HYLS1: variants seen among roughly 807,000 people sequenced by gnomAD.
HYLS1 encodes HYLS1 centriolar and ciliogenesis associated.
Under a neutral mutation model 29.4 loss-of-function variants are expected in HYLS1, and 25 were observed. The ratio of observed to expected loss-of-function variants is 0.85; its 90% confidence interval spans 0.62 to 1.19. The LOEUF is 1.19. HYLS1 is among the 50% of genes most tolerant of loss of function. The pLI, the probability that HYLS1 is intolerant of heterozygous loss-of-function variation, is 0.00. For synonymous variants in HYLS1, 128 were observed against 126.7 expected (o/e 1.01, Z -0.07); for missense variants, 352 against 365.1 (o/e 0.96, Z 0.29).
chr11:125,890,589 A>T (rs1263782957), intron 1 of HYLS1, among the ~76,000 whole-genome samples: 2 of 152,184 alleles, frequency 1.3e-5, no homozygotes, highest in Non-Finnish European at 2.9e-5. Context: ...CTACCCTTGA[A>T]ATCCTTTTGA....
intron 2 of HYLS1, 25 bp from the exon 3 acceptor site, chr11:125,899,301 GGGAATTTATTATCAGAAA>G: frequency 4.9e-6 from 7 of 1,422,270 alleles, no homozygotes; most frequent in Non-Finnish European, 6.9e-6. Context: ...TTTATGAGCT[GGGAATTTATTATCAGAAA>G]ACTGACCAAT....
At position 125,899,340 on chromosome 11, in the gene HYLS1, G is replaced by A; in HGVS notation, c.-25-4G>A. The A allele has an allele frequency of 6.2e-7, 1 of 1,603,858 alleles. No homozygotes were observed. The highest frequency in any genetic ancestry group is 8.5e-7 in the Non-Finnish European group (1 of 1,172,380). On this transcript the variant is annotated splice_region_variant and splice_polypyrimidine_tract_variant and intron_variant, in intron 2 of 2. Transcript: ENST00000425380. ...AGAAAACTGACCAATGTTATCTCTT[G>A]CAGAAGGTCCTACAGTGTAGGGGAA...
In HYLS1 at chr11:125,899,867, C is replaced by T; in HGVS notation, c.499C>T (p.Gln167Ter). 1 of 1,614,194 alleles carries T rather than the reference C, an allele frequency of 6.2e-7. No homozygotes were observed. The highest frequency in any genetic ancestry group is 8.5e-7 in the Non-Finnish European group (1 of 1,180,026). ...PHEYQGISQD[Q>*]LICSLQREGM... ...TGAATACCAAGGAATTTCTCAAGATCAGCTCATTTGCTCTCTACAAAGAGA... is the reference window on the plus strand; with the variant it reads ...TGAATACCAAGGAATTTCTCAAGATTAGCTCATTTGCTCTCTACAAAGAGA... The change falls in exon 3 of 3, where the codon CAG becomes TAG. Residue 167 changes from glutamine (Q) to a stop codon, truncating the protein, a stop_gained. Transcript: ENST00000425380. LOFTEE classifies it high-confidence loss of function.
chr11:125,885,402 G>T (rs1279224936), upstream of HYLS1, among the ~76,000 whole-genome samples: 1 of 152,070 alleles, frequency 6.6e-6, no homozygotes, highest in Non-Finnish European at 1.5e-5. Context: ...AGTGAGCCAA[G>T]ATCGTGCCAC....
intron 2 of HYLS1, chr11:125,898,959 A>G (rs1944674267): frequency 1.3e-5 from 2 of 159,684 alleles, no homozygotes; most frequent in South Asian, 3.7e-4. Context: ...AATTACATGA[A>G]TTAATAAATG....
chr11:125,886,572 A>ATT (rs68098484), upstream of HYLS1, among the ~76,000 whole-genome samples: 885 of 117,322 alleles, frequency 7.5e-3, 6 homozygotes, highest in Middle Eastern at 0.017. Flanking sequence ...CAAGCACTAG[A>ATT]TTTTTTTTTT....
chr11:125,885,357 A>T (rs927103990), upstream of HYLS1, among the ~76,000 whole-genome samples: 2 of 152,164 alleles, frequency 1.3e-5, no homozygotes, highest in Non-Finnish European at 2.9e-5. Context: ...AGACTGAGGC[A>T]TGAAAATCAT....
At chr11:125,894,309 GT>G in intron 2 of HYLS1, 1 of 1,560,682 alleles carries the variant, frequency 6.4e-7, no homozygotes, top group Non-Finnish European at 8.7e-7. Flanking sequence ...AGAAAAGAAA[GT>G]TTGAGAATAC....
Position 125,899,761 on chromosome 11 carries a change from A to C in HYLS1, c.393A>C (p.Leu131Phe). 1.2e-6 allele frequency: 2 copies of C among 1,614,222 alleles called. No homozygotes were observed. Among genetic ancestry groups the C allele is most frequent in the South Asian group, 2.2e-5 (2 of 91,088 alleles). ...GTENDQDLWD[L>F]RQRLMNVQFQ... ...AAAATGATCAGGATCTCTGGGACTTAAGACAAAGGCTGATGAATGTACAGT... is the reference window on the plus strand; with the variant it reads ...AAAATGATCAGGATCTCTGGGACTTCAGACAAAGGCTGATGAATGTACAGT... The change falls in exon 3 of 3, where the codon TTA becomes TTC. Residue 131 changes from leucine (L) to phenylalanine (F), a missense_variant. By Grantham distance (22) the Leu-to-Phe change is conservative. Coordinates refer to ENST00000425380, the MANE Select transcript of HYLS1 (RefSeq NM_001134793.2).
upstream of HYLS1, among the ~76,000 whole-genome samples, chr11:125,886,644 A>G (rs1462657885): frequency 6.7e-6 from 1 of 148,908 alleles, no homozygotes; most frequent in Non-Finnish European, 1.5e-5. Context: ...GGGTTTAAAA[A>G]AAAAATTAGT....
chr11:125,889,780 A>G (rs530947441), intron 1 of HYLS1, among the ~76,000 whole-genome samples: 1 of 152,240 alleles, frequency 6.6e-6, no homozygotes, highest in South Asian at 2.1e-4. Context: ...GCCCTCTGGA[A>G]AAACGGATTA....
At chr11:125,895,583 G>T (rs1441624041) in intron 2 of HYLS1, 1 of 1,614,210 alleles carries the variant, frequency 6.2e-7, no homozygotes, top group Non-Finnish European at 8.5e-7. Flanking sequence ...AAAAATAGCG[G>T]TAAGTCCGCT....
intron 2 of HYLS1, chr11:125,896,317 C>G (rs200845129): frequency 1.3e-6 from 2 of 1,542,914 alleles, no homozygotes; most frequent in Non-Finnish European, 1.8e-6. Flanking sequence ...ACGAACCATA[C>G]AGGTCTGCCC....
chr11:125,900,408 G>C lies in HYLS1; in HGVS notation c.*140G>C. 1 of 760,196 alleles carries C rather than the reference G, an allele frequency of 1.3e-6. No individual in the cohort carries two copies. The highest frequency in any genetic ancestry group is 2.2e-6 in the Non-Finnish European group (1 of 453,642). The allele number at this position is 760,196 out of a possible 1,614,324, so 47.1% of individuals were successfully genotyped here. On this transcript the variant is annotated 3_prime_UTR_variant, in exon 3 of 3. Coordinates refer to ENST00000425380, the MANE Select transcript of HYLS1 (RefSeq NM_001134793.2). ...CTTCACCTATCATTGGTCTTTCCTA[G>C]CTATATATCACATTGGTATCAGATG... is the stretch of plus-strand genomic sequence containing the variant.
At chr11:125,884,837 T>C (rs984447859), upstream of HYLS1, among the ~76,000 whole-genome samples, 4 of 152,232 alleles carry the variant, frequency 2.6e-5, no homozygotes, top group African/African-American at 9.6e-5. Flanking sequence ...TTTTTTAACA[T>C]TTGTTTGAAA....
upstream of HYLS1, chr11:125,887,396 T>C (rs1944323259): frequency 6.6e-6 from 1 of 152,214 alleles, no homozygotes; most frequent in South Asian, 2.1e-4. Context: ...CCAGATTTAG[T>C]ACACCAGAGG....
At position 125,900,341 on chromosome 11, in the gene HYLS1, C is replaced by A. The variant is rs946520361; in HGVS notation, c.*73C>A. The A allele has an allele frequency of 6.0e-5, 87 of 1,444,658 alleles. No homozygotes were observed. Among genetic ancestry groups the A allele is most frequent in the Non-Finnish European group, 5.3e-5 (55 of 1,030,430 alleles). The allele number at this position is 1,444,658 out of a possible 1,614,324, so 89.5% of individuals were successfully genotyped here. Reference sequence around the variant, plus strand: ...TTATATCTTCCCTTTTAAATAGAAACAACTGTCTTGAGAAGCTCTTCGAAA... The same window carrying A: ...TTATATCTTCCCTTTTAAATAGAAAAAACTGTCTTGAGAAGCTCTTCGAAA... On this transcript the variant is annotated 3_prime_UTR_variant, in exon 3 of 3. Transcript: ENST00000425380.
intron 1 of HYLS1, chr11:125,888,180 C>T (rs1944343494): frequency 6.6e-6 from 1 of 152,298 alleles, no homozygotes; most frequent in Non-Finnish European, 1.5e-5. Flanking sequence ...CGACTGCGAG[C>T]TTTGCCGTTG....
At chr11:125,895,845 A>G (rs1489441390) in intron 2 of HYLS1, 3 of 1,584,556 alleles carry the variant, frequency 1.9e-6, no homozygotes, top group Non-Finnish European at 2.6e-6. Flanking sequence ...CTCAGTACTC[A>G]GTGTGTATAC....
Sources: gnomAD v4.1 joint callset for allele counts (sites outside exome capture counted in the v4.1 genomes callset) on GRCh38, gnomAD v4.1.1 for gene constraint, MANE v1.5 for transcripts, NCBI Gene and HGNC (gene_info 2026-07-23, HGNC 2026-07-21) for gene names.